Variants in DCAF8L2 observed in about 807,000 individuals in gnomAD.
DCAF8L2 encodes DDB1 and CUL4 associated factor 8 like 2.
For synonymous variants in DCAF8L2, 200 were observed against 190.9 expected (o/e 1.05, Z -0.39); for missense variants, 430 against 490.7 (o/e 0.88, Z 1.17).
At chrX:27,584,295 T>TACACAC in the DCAF8L2 span, among the ~76,000 whole-genome samples, 1 of 109,419 alleles carries the variant, frequency 9.1e-6, no homozygotes, top group Non-Finnish European at 1.9e-5. Flanking sequence ...AGTCTGTTTA[T>TACACAC]ACACACACAC....
upstream of DCAF8L2, among the ~76,000 whole-genome samples, chrX:27,588,756 T>C (rs928067656): frequency 9.0e-6 from 1 of 110,873 alleles, no homozygotes; most frequent in African/African-American, 3.3e-5. Context: ...TACACACCAA[T>C]GCATATAAAC....
chrX:27,540,042 TAC>T, the DCAF8L2 span, among the ~76,000 whole-genome samples: 5 of 110,897 alleles, frequency 4.5e-5, no homozygotes, highest in South Asian at 7.7e-4. Context: ...CAATCACTGT[TAC>T]TACTTCTCTT....
At chrX:27,657,381 A>G (rs1929393327) in intron 2 of DCAF8L2, among the ~76,000 whole-genome samples, 1 of 111,185 alleles carries the variant, frequency 9.0e-6, no homozygotes, top group South Asian at 3.8e-4. Flanking sequence ...TATTATTGTT[A>G]TCATTATTTT....
At chrX:27,648,523 T>TTA (rs57191431) in intron 2 of DCAF8L2, among the ~76,000 whole-genome samples, 4,784 of 101,987 alleles carry the variant, frequency 0.047, 235 homozygotes, top group African/African-American at 0.15. Flanking sequence ...TATGTATTAT[T>TTA]TATATATATA....
At chrX:27,483,327 C>T in the DCAF8L2 span, among the ~76,000 whole-genome samples, 1 of 110,901 alleles carries the variant, frequency 9.0e-6, no homozygotes, top group Non-Finnish European at 1.9e-5. Context: ...TTTATGAATA[C>T]AAGATATAAT....
At chrX:27,625,819 G>T (rs758316818) in intron 1 of DCAF8L2, among the ~76,000 whole-genome samples, 1 of 110,774 alleles carries the variant, frequency 9.0e-6, no homozygotes, top group African/African-American at 3.3e-5. Flanking sequence ...GAGTACACAT[G>T]AACACAAAAA....
At chrX:27,715,786 T>C (rs1276979628) in intron 3 of DCAF8L2, among the ~76,000 whole-genome samples, 1 of 111,869 alleles carries the variant, frequency 8.9e-6, no homozygotes, top group Non-Finnish European at 1.9e-5. Context: ...TCCCAGGTCA[T>C]TTCTGCCTCA....
the DCAF8L2 span, among the ~76,000 whole-genome samples, chrX:27,516,662 C>T: frequency 9.0e-6 from 1 of 111,377 alleles, no homozygotes; most frequent in Non-Finnish European, 1.9e-5. Flanking sequence ...TTAAGATATT[C>T]TGAGGGAAAA....
chrX:27,600,938 AT>A (rs761736457), intron 1 of DCAF8L2, among the ~76,000 whole-genome samples: 270 of 103,797 alleles, frequency 2.6e-3, no homozygotes, highest in African/African-American at 6.7e-3. Flanking sequence ...AGTGCTCTGG[AT>A]TTTTTTTTTT....
At chrX:27,649,967 T>C (rs1410818189) in intron 2 of DCAF8L2, among the ~76,000 whole-genome samples, 2 of 111,729 alleles carry the variant, frequency 1.8e-5, no homozygotes, top group Non-Finnish European at 3.8e-5. Context: ...CCATCTTGAG[T>C]TAATTGTTTC....
chrX:27,616,477 A>G (rs982941485), intron 1 of DCAF8L2, among the ~76,000 whole-genome samples: 4 of 111,801 alleles, frequency 3.6e-5, no homozygotes, highest in Non-Finnish European at 7.5e-5. Context: ...ATTTTAAAAA[A>G]TTATTACTCC....
At chrX:27,568,931 A>G in the DCAF8L2 span, among the ~76,000 whole-genome samples, 4 of 92,899 alleles carry the variant, frequency 4.3e-5, no homozygotes, top group Non-Finnish European at 6.2e-5. Context: ...TAGCTCCCCA[A>G]GCCTTTGGAA....
intron 3 of DCAF8L2, among the ~76,000 whole-genome samples, chrX:27,710,271 T>C (rs191754039): frequency 8.9e-6 from 1 of 111,769 alleles, no homozygotes; most frequent in African/African-American, 3.2e-5. Flanking sequence ...GCATTCTTGG[T>C]CTTTTCAATT....
intron 1 of DCAF8L2, among the ~76,000 whole-genome samples, chrX:27,606,358 AATATATATATAT>A (rs200718182): frequency 0.023 from 904 of 39,754 alleles, 88 homozygotes; most frequent in African/African-American, 0.16. Context: ...TATATCTAGG[AATATATATATAT>A]ATATATATAT....
chrX:27,597,595 G>T (rs886077528), intron 1 of DCAF8L2, among the ~76,000 whole-genome samples: 1 of 111,621 alleles, frequency 9.0e-6, no homozygotes, highest in Non-Finnish European at 1.9e-5. Flanking sequence ...AAAACATAAG[G>T]TGTTTTCTCC....
chrX:27,645,985 A>G (rs888591196), intron 2 of DCAF8L2, among the ~76,000 whole-genome samples: 2 of 111,719 alleles, frequency 1.8e-5, no homozygotes, highest in Non-Finnish European at 3.8e-5. Context: ...AAATCACCAT[A>G]CTGCCCAAAG....
chrX:27,646,748 G>T (rs1415234686), intron 2 of DCAF8L2, among the ~76,000 whole-genome samples: 6 of 110,975 alleles, frequency 5.4e-5, no homozygotes, highest in Non-Finnish European at 1.1e-4. Context: ...AGTGGGAAAA[G>T]AATATGAACA....
At chrX:27,476,875 CT>C in the DCAF8L2 span, among the ~76,000 whole-genome samples, 1 of 111,875 alleles carries the variant, frequency 8.9e-6, no homozygotes, top group African/African-American at 3.2e-5. Flanking sequence ...TCTGGAAAAT[CT>C]TTACCAATAT....
chrX:27,665,714 T>C (rs1929716934), intron 2 of DCAF8L2, among the ~76,000 whole-genome samples: 1 of 111,748 alleles, frequency 8.9e-6, no homozygotes, highest in African/African-American at 3.3e-5. Flanking sequence ...CAGGAACTAC[T>C]ACCCTAATTA....
Sources: gnomAD v4.1 joint callset for allele counts (sites outside exome capture counted in the v4.1 genomes callset) on GRCh38, gnomAD v4.1.1 for gene constraint, MANE v1.5 for transcripts, NCBI Gene and HGNC (gene_info 2026-07-23, HGNC 2026-07-21) for gene names.